Variants in DDAH1 observed in about 807,000 individuals in gnomAD.
DDAH1 encodes N(G),N(G)-dimethylarginine dimethylaminohydrolase 1.
In DDAH1, 19 loss-of-function variants were observed where a neutral mutation model predicts 28.8. The ratio of observed to expected loss-of-function variants is 0.66; its 90% CI spans 0.46 to 0.97. The LOEUF (loss-of-function observed/expected upper bound fraction) is 0.97. Ranked by LOEUF, DDAH1 falls within the 50% of genes least tolerant of loss-of-function variation. The probability of loss-of-function intolerance (pLI) is 0.00; values close to 1 mark genes in which losing one functional copy is unlikely to be tolerated. For missense variants in DDAH1, 326 were observed against 375.9 expected (o/e 0.87, Z 1.10); for synonymous variants, 153 against 154.4 (o/e 0.99, Z 0.07).
At chr1:85,410,181 C>T (rs1313134980) in intron 1 of DDAH1, among the ~76,000 whole-genome samples, 4 of 151,894 alleles carry the variant, frequency 2.6e-5, no homozygotes, top group Non-Finnish European at 5.9e-5. Flanking sequence ...CACGGGAGGC[C>T]GAGGTGGGAT....
chr1:85,462,399 A>G (rs539014287), intron 1 of DDAH1, among the ~76,000 whole-genome samples: 1 of 152,256 alleles, frequency 6.6e-6, no homozygotes, highest in African/African-American at 2.4e-5. Context: ...TGAGTTTTTA[A>G]AAGACCAGCT....
chr1:85,477,831 A>T (rs1393143703), intron 2 of DDAH1, among the ~76,000 whole-genome samples: 1 of 152,164 alleles, frequency 6.6e-6, no homozygotes, highest in African/African-American at 2.4e-5. Context: ...ATATGCATCA[A>T]TAAAAAAATG....
chr1:85,365,966 G>C (rs1650053165), intron 1 of DDAH1, among the ~76,000 whole-genome samples: 1 of 152,164 alleles, frequency 6.6e-6, no homozygotes, highest in African/African-American at 2.4e-5. Context: ...TTAAAGGTTA[G>C]AGACAAAGAA....
At chr1:85,397,790 C>G (rs1284090244) in intron 1 of DDAH1, among the ~76,000 whole-genome samples, 1 of 152,048 alleles carries the variant, frequency 6.6e-6, no homozygotes, top group Non-Finnish European at 1.5e-5. Flanking sequence ...GATGTTTATC[C>G]CCTCTAAATC....
At chr1:85,400,172 CTTTTCTT>C (rs1652001922) in intron 1 of DDAH1, among the ~76,000 whole-genome samples, 1 of 34,222 alleles carries the variant, frequency 2.9e-5, no homozygotes, top group Non-Finnish European at 5.5e-5. Flanking sequence ...CCTTTCTTTT[CTTTTCTT>C]TTTTTTTTTT....
chr1:85,465,390 G>A (rs1655334949), upstream of DDAH1, among the ~76,000 whole-genome samples: 3 of 152,184 alleles, frequency 2.0e-5, no homozygotes, highest in South Asian at 6.2e-4. Context: ...GGACCTCGGC[G>A]AAAAGCCACC....
chr1:85,432,660 C>T (rs904339244), intron 1 of DDAH1, among the ~76,000 whole-genome samples: 2 of 151,966 alleles, frequency 1.3e-5, no homozygotes, highest in African/African-American at 4.8e-5. Context: ...ATGAATTTTC[C>T]CAGGAAAATA....
rs191417779 is a variant in DDAH1, at chr1:85,518,487, C to T, written c.-122-22206G>A. 2.2e-4 allele frequency among the ~76,000 whole-genome samples: 34 copies of T among 152,262 alleles called. 1 individual carries two copies. Among genetic ancestry groups the T allele is most frequent in the African/African-American group, 7.2e-4 (30 of 41,542 alleles). The stretch of plus-strand genomic sequence containing the variant: ...ATTAGCTGAGGGCTGCCCTTAGCTC[C>T]TAGAGGCCTCTTGCTTGTCCCTGCA... On this transcript the variant is annotated intron_variant, in intron 1 of 6. Transcript: ENST00000426972.
chr1:85,452,466 T>C (rs1320241325), intron 1 of DDAH1, among the ~76,000 whole-genome samples: 1 of 152,200 alleles, frequency 6.6e-6, no homozygotes, highest in East Asian at 1.9e-4. Context: ...CATGAAACAT[T>C]ACCTAGCTAT....
chr1:85,374,875 T>C (rs1434613057), intron 1 of DDAH1, among the ~76,000 whole-genome samples: 1 of 152,186 alleles, frequency 6.6e-6, no homozygotes, highest in Non-Finnish European at 1.5e-5. Flanking sequence ...AGTCTTTTGT[T>C]GTTAGGTAAC....
chr1:85,361,596 C>T (rs1649801790), intron 1 of DDAH1, among the ~76,000 whole-genome samples: 3 of 152,174 alleles, frequency 2.0e-5, no homozygotes, highest in South Asian at 4.1e-4. Flanking sequence ...AAAGTATATA[C>T]AGTAATTTTC....
chr1:85,345,471 A>G (rs898645793), intron 4 of DDAH1, among the ~76,000 whole-genome samples: 26 of 152,188 alleles, frequency 1.7e-4, no homozygotes, highest in Non-Finnish European at 8.8e-5. Flanking sequence ...TTGCTGTTAA[A>G]TATCTAGCAT....
At chr1:85,344,449 C>CG (rs1332199493) in intron 4 of DDAH1, among the ~76,000 whole-genome samples, 4 of 152,166 alleles carry the variant, frequency 2.6e-5, no homozygotes, top group African/African-American at 4.8e-5. Context: ...GTCCTGTAGC[C>CG]GGTCAGTGCT....
chr1:85,405,259 T>C (rs1026224121), intron 1 of DDAH1, among the ~76,000 whole-genome samples: 1 of 152,104 alleles, frequency 6.6e-6, no homozygotes, highest in African/African-American at 2.4e-5. Flanking sequence ...ATAACAAATA[T>C]TACCGAAAAG....
intron 1 of DDAH1, among the ~76,000 whole-genome samples, chr1:85,429,175 C>A (rs1288970292): frequency 1.3e-5 from 2 of 151,840 alleles, no homozygotes; most frequent in East Asian, 3.9e-4. Context: ...AGCCTCCCAC[C>A]CCCCAGCAGG....
At chr1:85,507,733 T>C (rs565882799) in intron 1 of DDAH1, among the ~76,000 whole-genome samples, 11 of 152,312 alleles carry the variant, frequency 7.2e-5, no homozygotes, top group South Asian at 2.1e-4. Context: ...GAAGTTCTCG[T>C]ATTGGGTTGT....
chr1:85,386,849 C>A (rs1261402957), intron 1 of DDAH1, among the ~76,000 whole-genome samples: 1 of 152,214 alleles, frequency 6.6e-6, no homozygotes, highest in African/African-American at 2.4e-5. Flanking sequence ...AGCTGCCAAG[C>A]CTCCATCACC....
At chr1:85,460,796 C>T (rs1655092707) in intron 1 of DDAH1, among the ~76,000 whole-genome samples, 2 of 152,202 alleles carry the variant, frequency 1.3e-5, no homozygotes, top group Non-Finnish European at 2.9e-5. Context: ...AGAAGGGCAA[C>T]ACCCACTTTC....
chr1:85,377,315 T>C (rs1650725466), intron 1 of DDAH1, among the ~76,000 whole-genome samples: 1 of 152,120 alleles, frequency 6.6e-6, no homozygotes, highest in African/African-American at 2.4e-5. Context: ...GAATCATTAA[T>C]ACATTATTAA....
Sources: gnomAD v4.1 joint callset for allele counts (sites outside exome capture counted in the v4.1 genomes callset) on GRCh38, gnomAD v4.1.1 for gene constraint, MANE v1.5 for transcripts, NCBI Gene and HGNC (gene_info 2026-07-23, HGNC 2026-07-21) for gene names.